Variants in PIK3C2G observed in about 807,000 individuals in gnomAD.
PIK3C2G encodes the protein phosphatidylinositol 3-kinase C2 domain-containing subunit gamma.
PIK3C2G carries 168 observed loss-of-function variants against 181.1 expected under a neutral mutation model. That is an observed-to-expected ratio of 0.93 (90% CI 0.82 to 1.05). The LOEUF is 1.05. PIK3C2G is among the 50% of genes least tolerant of loss of function. PIK3C2G has a pLI of 0.00. For synonymous variants in PIK3C2G, 573 were observed against 592.2 expected (o/e 0.97, Z 0.47); for missense variants, 1,869 against 1,732.8 (o/e 1.08, Z -1.40).
chr12:18,394,740 T>C (rs1436252736), intron 15 of PIK3C2G, among the ~76,000 whole-genome samples: 1 of 151,842 alleles, frequency 6.6e-6, no homozygotes, highest in Non-Finnish European at 1.5e-5. Flanking sequence ...CAATAGGAAT[T>C]ATCCCCCATG....
At chr12:18,275,303 AGTGCCTTC>A (rs1262063507) in intron 1 of PIK3C2G, among the ~76,000 whole-genome samples, 1 of 152,172 alleles carries the variant, frequency 6.6e-6, no homozygotes, top group Non-Finnish European at 1.5e-5. Context: ...TTTGTAACAA[AGTGCCTTC>A]TCATGTCTTC....
chr12:18,654,733 T>C, the PIK3C2G span, among the ~76,000 whole-genome samples: 1 of 152,152 alleles, frequency 6.6e-6, no homozygotes, highest in East Asian at 1.9e-4. Context: ...AAGATTATCT[T>C]TTACATGGGA....
intron 18 of PIK3C2G, among the ~76,000 whole-genome samples, chr12:18,463,425 T>G (rs1948029669): frequency 6.6e-6 from 1 of 152,164 alleles, no homozygotes; most frequent in Non-Finnish European, 1.5e-5. Flanking sequence ...AAAGAAATCT[T>G]TCACCTTTAA....
chr12:18,564,645 T>G (rs565261455), intron 28 of PIK3C2G, among the ~76,000 whole-genome samples: 1 of 152,076 alleles, frequency 6.6e-6, no homozygotes, highest in East Asian at 1.9e-4. Context: ...CTCAAGAGAC[T>G]GAGAGGGAGG....
At chr12:18,722,345 T>A in the PIK3C2G span, among the ~76,000 whole-genome samples, 1 of 152,106 alleles carries the variant, frequency 6.6e-6, no homozygotes, top group Admixed American at 6.6e-5. Context: ...CTTCACTATA[T>A]CTTCAGCCCC....
intron 15 of PIK3C2G, 39 bp downstream of exon 15, chr12:18,391,291 T>C: frequency 2.0e-6 from 3 of 1,475,988 alleles, no homozygotes; most frequent in Non-Finnish European, 1.8e-6. Context: ...TTTTGCCTGC[T>C]GTTTATGATT....
intron 1 of PIK3C2G, among the ~76,000 whole-genome samples, chr12:18,278,182 G>C (rs1351926205): frequency 6.6e-6 from 1 of 152,158 alleles, no homozygotes; most frequent in Non-Finnish European, 1.5e-5. Flanking sequence ...AGTTCTGTAA[G>C]TCAGAAGTCC....
At chr12:18,449,288 T>C (rs545075785) in intron 18 of PIK3C2G, among the ~76,000 whole-genome samples, 5 of 152,224 alleles carry the variant, frequency 3.3e-5, no homozygotes, top group African/African-American at 1.2e-4. Context: ...TATTATTTAT[T>C]ATTTTTTTTA....
chr12:18,298,408 CT>C (rs71061295), intron 5 of PIK3C2G, among the ~76,000 whole-genome samples: 167 of 138,332 alleles, frequency 1.2e-3, no homozygotes, highest in Middle Eastern at 3.8e-3. Context: ...TGTGTTTTTT[CT>C]TTTTTTTTTT....
chr12:18,459,096 C>A (rs994950652), intron 18 of PIK3C2G, among the ~76,000 whole-genome samples: 8 of 152,050 alleles, frequency 5.3e-5, no homozygotes, highest in African/African-American at 1.7e-4. Flanking sequence ...TGGTTTTAAG[C>A]CACTAATGAA....
In PIK3C2G at chr12:18,294,277, G is replaced by A. The variant is rs1353092039; in HGVS notation, c.1034+262G>A. ...GACCAACCATCTCAGTTTGCTTGGA[G>A]GTAGCCCTCAGGATGTAGGAATTTC... is the stretch of plus-strand genomic sequence containing the variant. On this transcript the variant is annotated intron_variant, in intron 5 of 32. Transcript: ENST00000538779. Among the ~76,000 whole-genome samples the A allele has an allele frequency of 4.6e-5, 7 of 151,994 alleles. No individual in the cohort carries two copies. The East Asian group carries it at 1.3e-3, about 29-fold the overall frequency.
At chr12:18,576,755 T>C (rs1333039409) in intron 29 of PIK3C2G, among the ~76,000 whole-genome samples, 1 of 152,186 alleles carries the variant, frequency 6.6e-6, no homozygotes, top group Admixed American at 6.5e-5. Flanking sequence ...GGGTTCCAAG[T>C]GATTTTTGCA....
At chr12:18,330,532 T>C (rs1937823964) in intron 8 of PIK3C2G, among the ~76,000 whole-genome samples, 1 of 152,208 alleles carries the variant, frequency 6.6e-6, no homozygotes, top group South Asian at 2.1e-4. Flanking sequence ...TTGTATTTCC[T>C]CAATGGCTGA....
intron 5 of PIK3C2G, among the ~76,000 whole-genome samples, chr12:18,302,248 T>G (rs1950206224): frequency 6.6e-6 from 1 of 152,108 alleles, no homozygotes. Flanking sequence ...AGGCAGGTTT[T>G]GGGGCCCCTG....
rs749548432 is a variant in PIK3C2G, at chr12:18,491,544, G to C, written c.2779G>C (p.Gly927Arg). 6.4e-6 allele frequency: 10 copies of C among 1,570,588 alleles called. No individual in the cohort carries two copies. The highest frequency in any genetic ancestry group is 8.7e-6 in the Non-Finnish European group (10 of 1,143,156). ...TCTGAACCCTGCCCTATGTATAAAAGGGATTGATCACGATGTAAGTCAACT... is the reference window on the plus strand; with the variant it reads ...TCTGAACCCTGCCCTATGTATAAAACGGATTGATCACGATGTAAGTCAACT... ...LPLNPALCIKGIDHDACSYFT... is the reference protein window; with the variant it reads ...LPLNPALCIKRIDHDACSYFT... Residue 927 changes from glycine (G) to arginine (R), a missense_variant, in exon 20 of 33, where the codon GGG becomes CGG. Gly to Arg is a moderately radical substitution (Grantham distance 125). Coordinates refer to ENST00000538779, the MANE Select transcript of PIK3C2G (RefSeq NM_001288772.2).
At chr12:18,321,621 A>G (rs1352805254) in intron 7 of PIK3C2G, among the ~76,000 whole-genome samples, 2 of 152,122 alleles carry the variant, frequency 1.3e-5, no homozygotes, top group African/African-American at 4.8e-5. Context: ...GTAGTGTGGG[A>G]GGTACAGGTC....
At chr12:18,712,153 A>T in the PIK3C2G span, among the ~76,000 whole-genome samples, 1 of 152,162 alleles carries the variant, frequency 6.6e-6, no homozygotes. Context: ...ATTGTACTAT[A>T]ATTGAAGTAC....
chr12:18,399,107 A>C (rs1037575676), intron 15 of PIK3C2G, among the ~76,000 whole-genome samples: 1 of 148,254 alleles, frequency 6.7e-6, no homozygotes, highest in African/African-American at 2.5e-5. Context: ...AGGCAGGAGA[A>C]TGGCGTGAAC....
chr12:18,524,862 C>T (rs922451102), intron 24 of PIK3C2G, among the ~76,000 whole-genome samples: 16 of 151,506 alleles, frequency 1.1e-4, no homozygotes, highest in East Asian at 1.0e-3. Context: ...GCCACCCACC[C>T]GGCCTGTGCC....
Sources: gnomAD v4.1 joint callset for allele counts (sites outside exome capture counted in the v4.1 genomes callset) on GRCh38, gnomAD v4.1.1 for gene constraint, MANE v1.5 for transcripts, NCBI Gene and HGNC (gene_info 2026-07-23, HGNC 2026-07-21) for gene names.